Variants in BCL2 observed in about 807,000 individuals in gnomAD.
The protein encoded by BCL2 is apoptosis regulator Bcl-2.
A neutral mutation model predicts 14.2 loss-of-function variants in BCL2; 1 was observed. That is an observed-to-expected ratio of 0.07 (90% CI 0.02 to 0.33). The LOEUF (loss-of-function observed/expected upper bound fraction) is 0.33. BCL2 is among the 10% of genes least tolerant of loss of function. The pLI is 0.99. For missense variants in BCL2, 247 were observed against 305.9 expected, an observed-to-expected ratio of 0.81 and a Z score of 1.44; for synonymous variants, 151 against 137.2, an observed-to-expected ratio of 1.10 and a Z score of -0.70.
At chr18:63,180,030 A>G (rs1413506923) in intron 2 of BCL2, among the ~76,000 whole-genome samples, 1 of 152,208 alleles carries the variant, frequency 6.6e-6, no homozygotes, top group Non-Finnish European at 1.5e-5. Flanking sequence ...CCCAAGTTAC[A>G]AAAGCACATG....
rs945890029 is a variant in BCL2, at chr18:63,176,745, ATCT to A, written c.586-47989_586-47987del. Among the ~76,000 whole-genome samples, 5 of 152,268 alleles carry A rather than the reference ATCT, an allele frequency of 3.3e-5. No homozygotes were observed. In the South Asian group the frequency reaches 6.2e-4, roughly 19 times the overall value. ...TTTCTTTGTGTTGGGAACATTTAAA[ATCT>A]TCTCTTCCAGCTATTTTGAAATATA... is the stretch of plus-strand genomic sequence containing the variant. On this transcript the variant is annotated intron_variant, in intron 2 of 2. Coordinates refer to ENST00000333681, the MANE Select transcript of BCL2 (RefSeq NM_000633.3).
At chr18:63,283,513 T>C (rs1194618730) in intron 2 of BCL2, among the ~76,000 whole-genome samples, 1 of 152,208 alleles carries the variant, frequency 6.6e-6, no homozygotes, top group Admixed American at 6.5e-5. Flanking sequence ...CCTAAAGATG[T>C]TTGCGTGGCT....
At chr18:63,136,358 C>T (rs368803055) in intron 2 of BCL2, among the ~76,000 whole-genome samples, 2 of 152,184 alleles carry the variant, frequency 1.3e-5, no homozygotes, top group African/African-American at 4.8e-5. Context: ...TCCATCAAGC[C>T]TCCCTCTCTT....
At chr18:63,170,259 A>G (rs1915191088) in intron 2 of BCL2, among the ~76,000 whole-genome samples, 1 of 152,134 alleles carries the variant, frequency 6.6e-6, no homozygotes, top group Non-Finnish European at 1.5e-5. Flanking sequence ...GAGCTCTCAT[A>G]CTAATGAATG....
rs746119981 is a variant in BCL2, at chr18:63,149,463, G to A, written c.586-20704C>T. On this transcript the variant is annotated intron_variant, in intron 2 of 2. Coordinates refer to ENST00000333681, the MANE Select transcript of BCL2 (RefSeq NM_000633.3). This position sits in a 1 kb window ranked among gnomAD's most constrained non-coding sequence, Gnocchi z 4.2. ...TACCGGTCCCGGGCTATATGTATAAGTTGCAACTGTTGGCTGGTGCCAGAC... is the reference window on the plus strand; with the variant it reads ...TACCGGTCCCGGGCTATATGTATAAATTGCAACTGTTGGCTGGTGCCAGAC... Among the ~76,000 whole-genome samples the A allele has an allele frequency of 2.0e-5, 3 of 152,220 alleles. No individual in the cohort carries two copies. Among genetic ancestry groups the A allele is most frequent in the Non-Finnish European group, 4.4e-5 (3 of 68,048 alleles).
At chr18:63,173,443 A>T (rs550420912) in intron 2 of BCL2, among the ~76,000 whole-genome samples, 25 of 152,298 alleles carry the variant, frequency 1.6e-4, no homozygotes, top group African/African-American at 5.8e-4. Flanking sequence ...TTGAAGAGAC[A>T]TTTAGACTAA....
chr18:63,318,745 A>C lies in BCL2; in HGVS notation c.-79T>G. 12 of 1,588,786 alleles carry C rather than the reference A, an allele frequency of 7.6e-6. No homozygotes were observed. Among genetic ancestry groups the C allele is most frequent in the Non-Finnish European group, 1.0e-5 (12 of 1,168,162 alleles). On this transcript the variant is annotated 5_prime_UTR_variant, in exon 2 of 3. Transcript: ENST00000333681. The surrounding 1 kb of genome is among the most constrained non-coding windows in gnomAD (Gnocchi z 7.4). ...ACCCCACGGCCCCCAGAGAAAGAAG[A>C]GGAGTTATAATCCAGCTATTTTATT...
chr18:63,289,612 TA>T (rs1007715545), intron 2 of BCL2, among the ~76,000 whole-genome samples: 1 of 150,794 alleles, frequency 6.6e-6, no homozygotes, highest in South Asian at 2.1e-4. Context: ...AGCCTTAAAA[TA>T]AAAAAAAGGG....
chr18:63,296,093 G>C (rs748360372), intron 2 of BCL2, among the ~76,000 whole-genome samples: 1 of 152,184 alleles, frequency 6.6e-6, no homozygotes. Context: ...TGCAGAGCAT[G>C]TTTGTGTGTA....
intron 2 of BCL2, among the ~76,000 whole-genome samples, chr18:63,301,582 T>C (rs1392256406): frequency 6.6e-6 from 1 of 152,244 alleles, no homozygotes; most frequent in African/African-American, 2.4e-5. Flanking sequence ...AGTTCCTAGT[T>C]GTGATTCACA....
At chr18:63,197,917 C>T (rs888635827) in intron 2 of BCL2, among the ~76,000 whole-genome samples, 1 of 152,180 alleles carries the variant, frequency 6.6e-6, no homozygotes, top group African/African-American at 2.4e-5. Context: ...TTAAACTGAT[C>T]TGTCTTCCTC....
intron 2 of BCL2, among the ~76,000 whole-genome samples, chr18:63,153,578 T>C (rs932830871): frequency 1.3e-5 from 2 of 152,166 alleles, no homozygotes; most frequent in African/African-American, 4.8e-5. Flanking sequence ...AAGAAAAAAT[T>C]CAAATGAAGC....
intron 2 of BCL2, among the ~76,000 whole-genome samples, chr18:63,212,200 C>G (rs1476717891): frequency 4.0e-5 from 6 of 151,356 alleles, no homozygotes; most frequent in Admixed American, 2.0e-4. Flanking sequence ...GTGGCGGGCG[C>G]CTGTAGTCCC....
chr18:63,206,984 TGCTGACAGAG>T (rs1213510480), intron 2 of BCL2, among the ~76,000 whole-genome samples: 14 of 152,204 alleles, frequency 9.2e-5, no homozygotes, highest in African/African-American at 1.4e-4. Flanking sequence ...CTTTTACAGC[TGCTGACAGAG>T]GCTGACAGAT....
chr18:63,213,272 T>C (rs1224117559), intron 2 of BCL2, among the ~76,000 whole-genome samples: 1 of 152,190 alleles, frequency 6.6e-6, no homozygotes, highest in Non-Finnish European at 1.5e-5. Flanking sequence ...AATATTCAAA[T>C]GTCACCAGCA....
intron 2 of BCL2, among the ~76,000 whole-genome samples, chr18:63,224,716 A>T (rs545395631): frequency 1.6e-4 from 25 of 152,294 alleles, no homozygotes; most frequent in African/African-American, 6.0e-4. Flanking sequence ...ACAGGACCAC[A>T]ACAGAGGGAT....
intron 2 of BCL2, among the ~76,000 whole-genome samples, chr18:63,159,893 A>G (rs893589077): frequency 6.6e-6 from 1 of 152,026 alleles, no homozygotes; most frequent in African/African-American, 2.4e-5. Flanking sequence ...CTGCTGGCCA[A>G]CTCGAATCGT....
chr18:63,262,522 A>C (rs1481598921), intron 2 of BCL2, among the ~76,000 whole-genome samples: 1 of 152,172 alleles, frequency 6.6e-6, no homozygotes. Flanking sequence ...AAGGAGGTGG[A>C]CAAGTGGCTA....
At chr18:63,178,899 CAA>C (rs111876869) in intron 2 of BCL2, among the ~76,000 whole-genome samples, 36,356 of 132,992 alleles carry the variant, frequency 0.27, 4,390 homozygotes, top group South Asian at 0.4. Context: ...GGGTTCAAGG[CAA>C]AAAAAAAAAA....
Sources: allele counts gnomAD v4.1 joint callset (sites outside exome capture counted in the v4.1 genomes callset), GRCh38; gene constraint gnomAD v4.1.1; non-coding constraint Gnocchi (gnomAD v3.1); transcripts MANE v1.5; gene names NCBI Gene and HGNC (gene_info 2026-07-23, HGNC 2026-07-21).